The following URI1 variants were observed in gnomAD, a reference collection of about 807,000 sequenced individuals.
URI1 encodes unconventional prefoldin RPB5 interactor 1.
In URI1, 39 loss-of-function variants were observed where a neutral mutation model predicts 60.2. The ratio of observed to expected loss-of-function variants is 0.65; its 90% confidence interval spans 0.50 to 0.85. The LOEUF (loss-of-function observed/expected upper bound fraction) is 0.85, where lower values mean the gene tolerates loss of function less well. Ranked by LOEUF, URI1 falls within the 40% of genes least tolerant of loss-of-function variation. The probability of loss-of-function intolerance (pLI) is 0.00; values close to 1 mark genes in which losing one functional copy is unlikely to be tolerated. For synonymous variants in URI1, 251 were observed against 236.8 expected, an observed-to-expected ratio of 1.06 and a Z score of -0.55; for missense variants, 691 against 665.9, an observed-to-expected ratio of 1.04 and a Z score of -0.42.
intron 1 of URI1, among the ~76,000 whole-genome samples, chr19:29,930,919 G>C (rs1220141191): frequency 6.6e-6 from 1 of 151,008 alleles, no homozygotes; most frequent in Non-Finnish European, 1.5e-5. Context: ...TGTTGGCCAG[G>C]CTGGCCTCGA....
intron 10 of URI1, among the ~76,000 whole-genome samples, chr19:30,014,020 C>T (rs1025434282): frequency 2.6e-5 from 4 of 151,498 alleles, no homozygotes; most frequent in African/African-American, 4.9e-5. Context: ...TAAAGTTCAC[C>T]TGTCAAATTT....
intron 1 of URI1, among the ~76,000 whole-genome samples, chr19:29,949,885 C>G (rs973839365): frequency 1.3e-5 from 2 of 150,348 alleles, no homozygotes; most frequent in Admixed American, 1.3e-4. Flanking sequence ...GGCTTGGCAT[C>G]AGAGGGAGAC....
intron 1 of URI1, among the ~76,000 whole-genome samples, chr19:29,937,159 G>T (rs934629131): frequency 5.3e-5 from 8 of 152,126 alleles, no homozygotes; most frequent in Non-Finnish European, 7.3e-5. Flanking sequence ...TCAGCTTTTT[G>T]ATCTCTCTAG....
chr19:29,935,497 A>C (rs1398155102), intron 1 of URI1, among the ~76,000 whole-genome samples: 1 of 152,120 alleles, frequency 6.6e-6, no homozygotes, highest in Non-Finnish European at 1.5e-5. Context: ...TATTTTTATC[A>C]GTGTTCTTTT....
At chr19:30,011,985 C>T (rs1043369421) in intron 9 of URI1, among the ~76,000 whole-genome samples, 9 of 151,894 alleles carry the variant, frequency 5.9e-5, no homozygotes, top group African/African-American at 2.2e-4. Flanking sequence ...CAACATGGCA[C>T]ATGTATACAT....
At chr19:29,941,893 A>G (rs2055027908), upstream of URI1, among the ~76,000 whole-genome samples, 1 of 152,064 alleles carries the variant, frequency 6.6e-6, no homozygotes, top group Admixed American at 6.5e-5. Flanking sequence ...ATGCAGCGCC[A>G]AACGACGGGG....
chr19:29,941,579 C>T (rs4805504), upstream of URI1, among the ~76,000 whole-genome samples: 124,341 of 151,104 alleles, frequency 0.82, 52,061 homozygotes, highest in Non-Finnish European at 0.9. Flanking sequence ...AATGATGGCA[C>T]TACTGCACTC....
At chr19:29,972,160 T>G (rs945369128) in intron 2 of URI1, among the ~76,000 whole-genome samples, 1 of 152,104 alleles carries the variant, frequency 6.6e-6, no homozygotes, top group Non-Finnish European at 1.5e-5. Context: ...GAGTGAAAAT[T>G]GGTGCAATCT....
intron 3 of URI1, among the ~76,000 whole-genome samples, chr19:29,985,543 T>C (rs1263051305): frequency 6.6e-6 from 1 of 152,206 alleles, no homozygotes; most frequent in Non-Finnish European, 1.5e-5. Flanking sequence ...ATTGGACATA[T>C]TTCAAATGGA....
At chr19:30,011,960 A>G (rs2056026518) in intron 9 of URI1, among the ~76,000 whole-genome samples, 1 of 151,690 alleles carries the variant, frequency 6.6e-6, no homozygotes, top group African/African-American at 2.4e-5. Context: ...TGATGAGTTA[A>G]TGGGTGCAGC....
At chr19:30,007,748 G>A (rs1382585896) in intron 7 of URI1, 110 bp downstream of exon 7, 11 of 913,326 alleles carry the variant, frequency 1.2e-5, no homozygotes, top group Non-Finnish European at 1.6e-5. Flanking sequence ...GAAAATGCAG[G>A]GAAGCATAAT....
intron 1 of URI1, among the ~76,000 whole-genome samples, chr19:29,952,782 C>G (rs961952584): frequency 1.3e-5 from 2 of 152,192 alleles, no homozygotes; most frequent in African/African-American, 4.8e-5. Context: ...ATTACATTCA[C>G]TGTTAGGTAA....
At chr19:29,944,153 A>G (rs2055069396) in intron 1 of URI1, among the ~76,000 whole-genome samples, 1 of 47,566 alleles carries the variant, frequency 2.1e-5, no homozygotes, top group Admixed American at 2.2e-4. Flanking sequence ...ATATATATAT[A>G]TATATATATA....
chr19:29,961,985 G>T (rs748951966), intron 1 of URI1, among the ~76,000 whole-genome samples: 5 of 152,060 alleles, frequency 3.3e-5, no homozygotes, highest in Non-Finnish European at 7.4e-5. Context: ...GCGCCCGGCT[G>T]CTTTCGATTC....
intron 4 of URI1, among the ~76,000 whole-genome samples, chr19:30,001,240 GCT>G (rs1250242306): frequency 5.9e-5 from 9 of 151,888 alleles, no homozygotes; most frequent in Non-Finnish European, 1.2e-4. Context: ...CTGTCAGGAA[GCT>G]CTGTGTGCAT....
chr19:29,930,409 G>A (rs1795951954), intron 1 of URI1, among the ~76,000 whole-genome samples: 1 of 152,056 alleles, frequency 6.6e-6, no homozygotes, highest in Non-Finnish European at 1.5e-5. Context: ...CTTACGTTCA[G>A]GTCTTTGATC....
In URI1 at chr19:30,015,292, CT is replaced by C. The variant is rs1431572124; in HGVS notation, c.*224del. On this transcript the variant is annotated 3_prime_UTR_variant, in exon 11 of 11. Coordinates refer to ENST00000392271, the MANE Select transcript of URI1 (RefSeq NM_003796.3). ...GTGAATTCTCTGAATACTGTCAACA[CT>C]CTTATCTAAGTTTGCCTTTATGATG... The C allele has an allele frequency of 6.3e-6, 9 of 1,418,180 alleles. No homozygotes were observed. Among genetic ancestry groups the C allele is most frequent in the Non-Finnish European group, 8.2e-6 (9 of 1,092,422 alleles). 87.8% of individuals were successfully genotyped at this position (1,418,180 alleles called of 1,614,324 possible).
intron 1 of URI1, among the ~76,000 whole-genome samples, chr19:29,924,758 G>C (rs1181561471): frequency 1.3e-5 from 2 of 152,340 alleles, no homozygotes; most frequent in East Asian, 1.9e-4. Context: ...GGGCTCCACT[G>C]CTCCCTAGGG....
intron 1 of URI1, among the ~76,000 whole-genome samples, chr19:29,961,342 A>G (rs2055321029): frequency 1.3e-5 from 2 of 149,924 alleles, no homozygotes; most frequent in South Asian, 2.1e-4. Context: ...GGCTGCCAGC[A>G]TTCTATTATA....
Sources: gnomAD v4.1 joint callset for allele counts (sites outside exome capture counted in the v4.1 genomes callset) on GRCh38, gnomAD v4.1.1 for gene constraint, MANE v1.5 for transcripts, NCBI Gene and HGNC (gene_info 2026-07-23, HGNC 2026-07-21) for gene names.